The following MIPOL1 variants were observed in gnomAD, a reference collection of about 807,000 sequenced individuals.
The protein encoded by MIPOL1 is mirror-image polydactyly gene 1 protein.
Under a neutral mutation model 60.9 loss-of-function variants are expected in MIPOL1, and 57 were observed. The ratio of observed to expected loss-of-function variants is 0.94; its 90% CI spans 0.76 to 1.17. MIPOL1 has a LOEUF of 1.17. Among genes scored for constraint, MIPOL1 ranks in the 50% most tolerant of loss-of-function variants. The pLI is 0.00. For missense variants in MIPOL1, 551 were observed against 511.6 expected, an observed-to-expected ratio of 1.08 and a Z score of -0.74; for synonymous variants, 179 against 168.8, an observed-to-expected ratio of 1.06 and a Z score of -0.47.
At chr14:37,306,178 T>C (rs1165816723) in intron 7 of MIPOL1, among the ~76,000 whole-genome samples, 2 of 151,986 alleles carry the variant, frequency 1.3e-5, no homozygotes, top group Admixed American at 6.6e-5. Context: ...GTTTGAACTC[T>C]TCATCTTCCT....
At chr14:37,538,028 G>A (rs771776138) in intron 12 of MIPOL1, among the ~76,000 whole-genome samples, 10 of 152,122 alleles carry the variant, frequency 6.6e-5, no homozygotes, top group Non-Finnish European at 1.5e-4. Context: ...AAGTGCTTCT[G>A]GATGATACCC....
At chr14:37,259,375 G>A (rs2082354715) in intron 3 of MIPOL1, among the ~76,000 whole-genome samples, 2 of 152,038 alleles carry the variant, frequency 1.3e-5, no homozygotes, top group Middle Eastern at 6.8e-3. Context: ...ACCAGCCTGG[G>A]CAACATAGGG....
At chr14:37,209,664 CAG>C (rs1167125982) in intron 1 of MIPOL1, among the ~76,000 whole-genome samples, 1 of 151,852 alleles carries the variant, frequency 6.6e-6, no homozygotes, top group Non-Finnish European at 1.5e-5. Context: ...CATCTCAAAA[CAG>C]AAAAGAAAAG....
intron 6 of MIPOL1, among the ~76,000 whole-genome samples, chr14:37,280,080 C>T (rs1218949544): frequency 6.6e-6 from 1 of 152,070 alleles, no homozygotes; most frequent in East Asian, 1.9e-4. Flanking sequence ...AGCATAGTGT[C>T]CTCTAGGTTT....
chr14:37,521,878 A>T lies in MIPOL1; in HGVS notation c.1262+21740A>T, dbSNP rs1032123627. On this transcript the variant is annotated intron_variant, in intron 12 of 12. Coordinates refer to ENST00000684589, the MANE Select transcript of MIPOL1 (RefSeq NM_001388067.1). Reference sequence around the variant, plus strand: ...AGCCTGGGTGACAGACCAAGACTTTATCTAAAGAAAAAAAAATATATATAT... The same window carrying T: ...AGCCTGGGTGACAGACCAAGACTTTTTCTAAAGAAAAAAAAATATATATAT... Among the ~76,000 whole-genome samples, 3 of 121,222 alleles carry T rather than the reference A, an allele frequency of 2.5e-5. No homozygotes were observed. In the Admixed American group the frequency reaches 2.7e-4, roughly 11 times the overall value. 79.5% of individuals were successfully genotyped at this position (121,222 alleles called of 152,430 possible).
At chr14:37,291,204 G>A (rs909806863) in intron 7 of MIPOL1, among the ~76,000 whole-genome samples, 4 of 152,126 alleles carry the variant, frequency 2.6e-5, no homozygotes, top group African/African-American at 9.7e-5. Context: ...GATTATAGCT[G>A]TGAGCAATCA....
At chr14:37,310,573 G>A (rs2087235926) in intron 9 of MIPOL1, among the ~76,000 whole-genome samples, 1 of 152,008 alleles carries the variant, frequency 6.6e-6, no homozygotes, top group Non-Finnish European at 1.5e-5. Context: ...CATCTTTTCT[G>A]GCCTTCACAA....
At chr14:37,218,982 G>C (rs1372613315) in intron 1 of MIPOL1, among the ~76,000 whole-genome samples, 4 of 151,380 alleles carry the variant, frequency 2.6e-5, no homozygotes, top group Non-Finnish European at 5.9e-5. Flanking sequence ...TAATAGTAAA[G>C]GTGGTAAAAG....
intron 1 of MIPOL1, among the ~76,000 whole-genome samples, chr14:37,221,999 A>C (rs1028209909): frequency 2.6e-5 from 4 of 152,114 alleles, no homozygotes; most frequent in Admixed American, 6.6e-5. Flanking sequence ...AAATAAATAA[A>C]TAAATAAACA....
chr14:37,296,394 A>G (rs1272465008), intron 7 of MIPOL1, among the ~76,000 whole-genome samples: 1 of 152,218 alleles, frequency 6.6e-6, no homozygotes, highest in Admixed American at 6.5e-5. Flanking sequence ...AATTAAAAGA[A>G]CTAGAGAAGC....
At chr14:37,284,715 G>T (rs966662641) in intron 6 of MIPOL1, among the ~76,000 whole-genome samples, 5 of 152,104 alleles carry the variant, frequency 3.3e-5, no homozygotes, top group African/African-American at 1.2e-4. Flanking sequence ...TTTGAAACTT[G>T]CTATTTTTGT....
rs559177523 is a variant in MIPOL1 at position 37,446,146 on chromosome 14, A to G, written c.1031+23197A>G. The stretch of plus-strand genomic sequence containing the variant: ...TCAGAGTGAACAGGCAACCTACAAA[A>G]TGGGAGAAAATTTTTGCAACCTACT... On this transcript the variant is annotated intron_variant, in intron 11 of 12. Transcript: ENST00000684589. 5.9e-5 allele frequency among the ~76,000 whole-genome samples: 9 copies of G among 152,302 alleles called. 1 individual carries two copies. In the South Asian group the frequency reaches 1.7e-3, roughly 28 times the overall value.
At position 37,308,045 on chromosome 14, in the gene MIPOL1, C is replaced by CT; in HGVS notation, c.624-5dup. ...GCTACTGATCAGGCTTTCTGTGTCC[C>CT]TTTTTTCTAGGCTAGAAAATATTAA... On this transcript the variant is annotated splice_polypyrimidine_tract_variant and intron_variant, in intron 7 of 12. Coordinates refer to ENST00000684589, the MANE Select transcript of MIPOL1 (RefSeq NM_001388067.1). 6.2e-7 allele frequency: 1 copy of CT among 1,608,414 alleles called. No homozygotes were observed. Among genetic ancestry groups the CT allele is most frequent in the Non-Finnish European group, 8.5e-7 (1 of 1,176,850 alleles).
chr14:37,290,674 TCTTC>T (rs1293140519), intron 7 of MIPOL1, among the ~76,000 whole-genome samples: 1 of 152,196 alleles, frequency 6.6e-6, no homozygotes, highest in East Asian at 1.9e-4. Context: ...ATTATTTGAT[TCTTC>T]CTTTATTTCA....
chr14:37,295,343 G>A (rs907538714), intron 7 of MIPOL1, among the ~76,000 whole-genome samples: 69 of 152,122 alleles, frequency 4.5e-4, no homozygotes, highest in African/African-American at 1.6e-3. Context: ...CCAGCCACTG[G>A]AAAAACATGC....
chr14:37,234,248 G>A (rs1406599290), intron 1 of MIPOL1, among the ~76,000 whole-genome samples: 7 of 152,042 alleles, frequency 4.6e-5, no homozygotes, highest in African/African-American at 1.7e-4. Context: ...GTTCAGTTAG[G>A]GCATGGTCAC....
chr14:37,395,418 ATTTC>A (rs1254671140), intron 10 of MIPOL1, among the ~76,000 whole-genome samples: 1 of 152,064 alleles, frequency 6.6e-6, no homozygotes, highest in African/African-American at 2.4e-5. Context: ...GTCATCTATG[ATTTC>A]TTTCAGCAGT....
intron 11 of MIPOL1, among the ~76,000 whole-genome samples, chr14:37,494,530 A>C (rs2095090251): frequency 6.6e-6 from 1 of 152,180 alleles, no homozygotes; most frequent in South Asian, 2.1e-4. Context: ...GCCTAGCTAA[A>C]AGGTGAGGAA....
chr14:37,454,904 G>A (rs1369156900), intron 11 of MIPOL1, among the ~76,000 whole-genome samples: 1 of 152,084 alleles, frequency 6.6e-6, no homozygotes, highest in Admixed American at 6.6e-5. Context: ...AATTCTTACT[G>A]TGATATATTG....
Sources: allele counts gnomAD v4.1 joint callset (sites outside exome capture counted in the v4.1 genomes callset), GRCh38; gene constraint gnomAD v4.1.1; transcripts MANE v1.5; gene names NCBI Gene and HGNC (gene_info 2026-07-23, HGNC 2026-07-21).